Variants in RGS6 observed in about 807,000 individuals in gnomAD.
RGS6 encodes regulator of G-protein signaling 6.
A neutral mutation model predicts 78.5 loss-of-function variants in RGS6; 30 were observed. The ratio of observed to expected loss-of-function variants is 0.38; its 90% CI spans 0.29 to 0.52. The LOEUF is 0.52. Ranked by LOEUF, RGS6 falls within the 20% of genes least tolerant of loss-of-function variation. RGS6 has a pLI of 0.85. For missense variants in RGS6, 495 were observed against 609.7 expected, an observed-to-expected ratio of 0.81 and a Z score of 1.98; for synonymous variants, 206 against 206.0, an observed-to-expected ratio of 1.00 and a Z score of 0.00.
At chr14:72,561,340 T>C (rs1432333360) in intron 17 of RGS6, among the ~76,000 whole-genome samples, 1 of 152,128 alleles carries the variant, frequency 6.6e-6, no homozygotes, top group Non-Finnish European at 1.5e-5. Flanking sequence ...CCTTCACAGA[T>C]GGCGGTGGTG....
intron 2 of RGS6, among the ~76,000 whole-genome samples, chr14:72,203,390 CAA>C (rs1233763604): frequency 6.6e-6 from 1 of 152,164 alleles, no homozygotes; most frequent in African/African-American, 2.4e-5. Context: ...CGCTGTATAA[CAA>C]ATTGTCCCAA....
intron 2 of RGS6, among the ~76,000 whole-genome samples, chr14:72,313,808 A>G (rs963157172): frequency 5.9e-5 from 9 of 152,198 alleles, no homozygotes; most frequent in Admixed American, 5.9e-4. Flanking sequence ...ACAAAGGAAA[A>G]TGAAGGTATT....
chr14:72,144,347 T>C (rs983924238), intron 2 of RGS6, among the ~76,000 whole-genome samples: 1 of 152,184 alleles, frequency 6.6e-6, no homozygotes, highest in African/African-American at 2.4e-5. Context: ...AGGAAAAGTT[T>C]GCAAACTTAT....
chr14:72,384,065 C>T (rs2087080276), intron 3 of RGS6, among the ~76,000 whole-genome samples: 1 of 152,186 alleles, frequency 6.6e-6, no homozygotes, highest in Non-Finnish European at 1.5e-5. Context: ...TGCCAGCACA[C>T]TCAGTGACAC....
At chr14:72,095,341 T>A (rs761971732) in intron 2 of RGS6, among the ~76,000 whole-genome samples, 3 of 152,166 alleles carry the variant, frequency 2.0e-5, no homozygotes, top group Non-Finnish European at 4.4e-5. Context: ...GAGACCCAGT[T>A]TCTTTTGTGC....
intron 2 of RGS6, among the ~76,000 whole-genome samples, chr14:72,271,469 A>G (rs1461948208): frequency 1.3e-5 from 2 of 152,176 alleles, no homozygotes; most frequent in African/African-American, 2.4e-5. Flanking sequence ...GGGAGCTACA[A>G]TTCAAGATGA....
intron 2 of RGS6, among the ~76,000 whole-genome samples, chr14:72,220,082 A>T (rs1404197958): frequency 6.6e-6 from 1 of 152,332 alleles, no homozygotes; most frequent in South Asian, 2.1e-4. Flanking sequence ...GCATTCCTAT[A>T]TAACAACATT....
At chr14:72,241,726 A>C (rs1033750844) in intron 2 of RGS6, among the ~76,000 whole-genome samples, 4 of 152,230 alleles carry the variant, frequency 2.6e-5, no homozygotes, top group African/African-American at 7.2e-5. Flanking sequence ...TAAATATTTG[A>C]GAGTACCTCT....
At chr14:72,242,756 A>G (rs1241579594) in intron 2 of RGS6, among the ~76,000 whole-genome samples, 2 of 151,906 alleles carry the variant, frequency 1.3e-5, no homozygotes, top group Non-Finnish European at 2.9e-5. Flanking sequence ...TACTGTATGG[A>G]CAAGGGTGAA....
intron 2 of RGS6, among the ~76,000 whole-genome samples, chr14:72,047,498 A>C (rs1270732735): frequency 6.6e-6 from 1 of 152,214 alleles, no homozygotes; most frequent in Non-Finnish European, 1.5e-5. Flanking sequence ...TCATACAGAC[A>C]TACTTTGTCA....
chr14:72,103,256 A>G (rs954801735), intron 2 of RGS6, among the ~76,000 whole-genome samples: 2 of 152,176 alleles, frequency 1.3e-5, no homozygotes, highest in Admixed American at 1.3e-4. Flanking sequence ...AATATCTTCA[A>G]GAGTCAATAT....
chr14:71,970,490 G>C (rs535581968), intron 2 of RGS6, among the ~76,000 whole-genome samples: 7 of 152,290 alleles, frequency 4.6e-5, no homozygotes, highest in Non-Finnish European at 1.0e-4. Context: ...TACATTGGCT[G>C]TGGTATGCAG....
In RGS6 at chr14:72,495,166, C is replaced by G. The variant is rs777304785; in HGVS notation, c.869C>G (p.Thr290Arg). 1.2e-6 allele frequency: 2 copies of G among 1,610,984 alleles called. No homozygotes were observed. Among genetic ancestry groups the G allele is most frequent in the Non-Finnish European group, 1.7e-6 (2 of 1,177,376 alleles). ...SKVAESLIAYTEQYVEYDPLI... is the reference protein window; with the variant it reads ...SKVAESLIAYREQYVEYDPLI... ...CCCTCCTGCAGTTTAATTGCCTACA[C>G]GGAACAATATGTGGAATATGACCCT... Residue 290 changes from threonine to arginine, a missense_variant, in exon 13 of 18, where the codon ACG becomes AGG. Transcript: ENST00000553525.
At chr14:72,124,410 G>A (rs2096135938) in intron 2 of RGS6, among the ~76,000 whole-genome samples, 1 of 152,114 alleles carries the variant, frequency 6.6e-6, no homozygotes, top group South Asian at 2.1e-4. Flanking sequence ...GCAGGGCAAC[G>A]AATGAGCCTT....
At chr14:72,535,928 G>T (rs1221802071) in intron 15 of RGS6, among the ~76,000 whole-genome samples, 2 of 152,086 alleles carry the variant, frequency 1.3e-5, no homozygotes, top group Non-Finnish European at 2.9e-5. Flanking sequence ...ACCCCAACAT[G>T]GCACCCAAGC....
At chr14:72,142,835 T>C (rs1397610373) in intron 2 of RGS6, among the ~76,000 whole-genome samples, 1 of 152,192 alleles carries the variant, frequency 6.6e-6, no homozygotes, top group Non-Finnish European at 1.5e-5. Flanking sequence ...GGGTTCTTAA[T>C]GCTGCAGGAG....
intron 2 of RGS6, among the ~76,000 whole-genome samples, chr14:72,160,358 A>G (rs932797764): frequency 1.8e-4 from 27 of 152,208 alleles, no homozygotes; most frequent in Non-Finnish European, 7.3e-5. Flanking sequence ...AAAGTCATCA[A>G]ATGTCATAGG....
In RGS6 at chr14:72,326,832, C is replaced by T. The variant is rs567171395; in HGVS notation, c.85-25263C>T. On this transcript the variant is annotated intron_variant, in intron 2 of 17. Transcript: ENST00000553525. ...ACGCCATTGTCCTGCCTCAGCCTGC[C>T]GAGTCGCTGGGACTACAGGCGCCCG... 6.9e-4 allele frequency among the ~76,000 whole-genome samples: 105 copies of T among 152,286 alleles called. 1 individual carries two copies. The highest frequency in any genetic ancestry group is 2.2e-3 in the African/African-American group (92 of 41,562).
At chr14:72,013,292 A>AAC (rs2086232451) in intron 2 of RGS6, among the ~76,000 whole-genome samples, 1 of 150,144 alleles carries the variant, frequency 6.7e-6, no homozygotes, top group African/African-American at 2.4e-5. Flanking sequence ...AAAAAAAAAA[A>AAC]AACAACAACA....
Sources: allele counts gnomAD v4.1 joint callset (sites outside exome capture counted in the v4.1 genomes callset), GRCh38; gene constraint gnomAD v4.1.1; transcripts MANE v1.5; gene names NCBI Gene and HGNC (gene_info 2026-07-23, HGNC 2026-07-21).